Variants in EDARADD observed in about 807,000 individuals in gnomAD.
The protein encoded by EDARADD is ectodysplasin-A receptor-associated adapter protein.
In EDARADD, 20 loss-of-function variants were observed where a neutral mutation model predicts 25.6. The observed-to-expected ratio is 0.78, with a 90% CI of 0.55 to 1.14. The LOEUF (loss-of-function observed/expected upper bound fraction) is 1.14. EDARADD is among the 50% of genes most tolerant of loss of function. The pLI, the probability that EDARADD is intolerant of heterozygous loss-of-function variation, is 0.00. For synonymous variants in EDARADD, 86 were observed against 94.4 expected (o/e 0.91, Z 0.52); for missense variants, 225 against 270.1 (o/e 0.83, Z 1.17).
rs1434659665 is a variant in EDARADD, at chr1:236,483,318, A to T, written c.*669A>T. The T allele has an allele frequency of 6.3e-7, 1 of 1,597,472 alleles. No individual in the cohort carries two copies. Among genetic ancestry groups the T allele is most frequent in the Non-Finnish European group, 8.6e-7 (1 of 1,167,636 alleles). ...CTATGAGGTCCTAGAGCTCCAGGAC[A>T]ATGATAAGACTCGCTATATGGGGAA... On this transcript the variant is annotated 3_prime_UTR_variant, in exon 6 of 6. Coordinates refer to ENST00000334232, the MANE Select transcript of EDARADD (RefSeq NM_145861.4).
chr1:236,483,702 G>T lies in EDARADD; in HGVS notation c.*1053G>T. 1.9e-6 allele frequency: 3 copies of T among 1,566,740 alleles called. No homozygotes were observed. The highest frequency in any genetic ancestry group is 2.6e-6 in the Non-Finnish European group (3 of 1,138,600). On this transcript the variant is annotated 3_prime_UTR_variant, in exon 6 of 6. Transcript: ENST00000334232. Reference sequence around the variant, plus strand: ...CCCAGTCGGTGCAGCAAACTTCAGGGAAGCCATGCCCATTGGAGCGGAGGT... The same window carrying T: ...CCCAGTCGGTGCAGCAAACTTCAGGTAAGCCATGCCCATTGGAGCGGAGGT...
At chr1:236,377,052 C>G (rs1667232510) in intron 3 of EDARADD, among the ~76,000 whole-genome samples, 1 of 151,056 alleles carries the variant, frequency 6.6e-6, no homozygotes, top group Non-Finnish European at 1.5e-5. Context: ...TTCCATCTCT[C>G]TGTTTACATT....
intron 3 of EDARADD, among the ~76,000 whole-genome samples, chr1:236,388,552 G>A (rs1468651850): frequency 6.6e-6 from 1 of 152,130 alleles, no homozygotes; most frequent in Non-Finnish European, 1.5e-5. Flanking sequence ...TTCTTTTTAT[G>A]TTTTTCACTA....
At position 236,381,492 on chromosome 1, in the gene EDARADD, C is replaced by G. The variant is rs180936818; in HGVS notation, c.-5-27724C>G. 9.2e-5 allele frequency among the ~76,000 whole-genome samples: 14 copies of G among 152,092 alleles called. No homozygotes were observed. In the East Asian group the frequency reaches 2.5e-3, roughly 27 times the overall value. ...CAGAGTGTATTTTTAAGTGATATTA[C>G]AACAATTCATGCATAAAAATCCTTA... On this transcript the variant is annotated intron_variant, in intron 3 of 7. Transcript: ENST00000439430.
At chr1:236,427,259 C>G (rs1657945160) in intron 3 of EDARADD, 133 bp from the exon 4 acceptor site, 1 of 809,862 alleles carries the variant, frequency 1.2e-6, no homozygotes, top group African/African-American at 1.8e-5. Flanking sequence ...ATTTGTAGTC[C>G]AGCCCTTCTG....
At chr1:236,473,354 A>G (rs927229102) in intron 5 of EDARADD, among the ~76,000 whole-genome samples, 1 of 152,108 alleles carries the variant, frequency 6.6e-6, no homozygotes, top group Non-Finnish European at 1.5e-5. Flanking sequence ...TGCCAGGGAC[A>G]GGAAGTTGCT....
chr1:236,403,453 A>C (rs541446787), intron 1 of EDARADD, among the ~76,000 whole-genome samples: 16 of 150,126 alleles, frequency 1.1e-4, no homozygotes, highest in Non-Finnish European at 1.6e-4. Flanking sequence ...ATGCCCGGCT[A>C]ATTTTTTGTA....
At chr1:236,369,027 C>T (rs1177427050) in intron 3 of EDARADD, among the ~76,000 whole-genome samples, 1 of 152,078 alleles carries the variant, frequency 6.6e-6, no homozygotes, top group Non-Finnish European at 1.5e-5. Flanking sequence ...ACTCCTGAGC[C>T]AAGTGATCTG....
At chr1:236,379,850 A>G (rs1667277999) in intron 3 of EDARADD, among the ~76,000 whole-genome samples, 1 of 152,252 alleles carries the variant, frequency 6.6e-6, no homozygotes, top group Admixed American at 6.5e-5. Context: ...AGAGAAACGT[A>G]AATTAATTTG....
intron 4 of EDARADD, among the ~76,000 whole-genome samples, chr1:236,441,652 C>A (rs910150639): frequency 1.3e-5 from 2 of 151,264 alleles, no homozygotes; most frequent in African/African-American, 4.9e-5. Context: ...GCCTCCTGAG[C>A]AGCTAGGATT....
rs532202858 is a variant in EDARADD, at chr1:236,378,659, T to C, written c.-6+27820T>C. Among the ~76,000 whole-genome samples the C allele has an allele frequency of 3.3e-5, 5 of 152,292 alleles. No individual in the cohort carries two copies. In the South Asian group the frequency reaches 8.3e-4, roughly 25 times the overall value. On this transcript the variant is annotated intron_variant, in intron 3 of 7. Transcript: ENST00000439430. ...TGGCCATTATAAAGTTTTAAGTATT[T>C]GAGAGCAAAATAACTATTTTATTGT...
intron 2 of EDARADD, among the ~76,000 whole-genome samples, chr1:236,409,815 C>T (rs147725276): frequency 0.01 from 1,559 of 151,824 alleles, 25 homozygotes; most frequent in African/African-American, 0.036. Flanking sequence ...CTGCCACCCT[C>T]GGCCTCCCAA....
At chr1:236,349,693 C>A (rs532628821) in intron 2 of EDARADD, among the ~76,000 whole-genome samples, 1 of 146,372 alleles carries the variant, frequency 6.8e-6, no homozygotes, top group Non-Finnish European at 1.5e-5. Context: ...GGAAGTTCTC[C>A]GATAGCAGAC....
intron 5 of EDARADD, among the ~76,000 whole-genome samples, chr1:236,473,629 C>CA (rs1162480885): frequency 2.6e-5 from 4 of 152,004 alleles, no homozygotes; most frequent in Non-Finnish European, 4.4e-5. Context: ...ACCAAAAAAT[C>CA]AAAAAATTAG....
chr1:236,408,211 T>A (rs1253900687), intron 1 of EDARADD, among the ~76,000 whole-genome samples: 1 of 152,098 alleles, frequency 6.6e-6, no homozygotes, highest in Non-Finnish European at 1.5e-5. Context: ...ATTAATTAAT[T>A]TATTTTTTTG....
At chr1:236,384,005 AAAAAT>A (rs1329482473) in intron 3 of EDARADD, among the ~76,000 whole-genome samples, 2 of 152,220 alleles carry the variant, frequency 1.3e-5, no homozygotes, top group Admixed American at 6.5e-5. Context: ...CTTGTCTCAA[AAAAAT>A]AAAATAAAAT....
intron 5 of EDARADD, among the ~76,000 whole-genome samples, chr1:236,479,982 G>A (rs1218735970): frequency 6.6e-6 from 1 of 151,376 alleles, no homozygotes; most frequent in East Asian, 1.9e-4. Flanking sequence ...GGAGTTCCAG[G>A]TTATGATGAG....
At chr1:236,449,838 C>T (rs1658661131) in intron 4 of EDARADD, among the ~76,000 whole-genome samples, 1 of 152,312 alleles carries the variant, frequency 6.6e-6, no homozygotes, top group East Asian at 1.9e-4. Flanking sequence ...CGGTGGCTCA[C>T]GCCTGTAATC....
intron 3 of EDARADD, among the ~76,000 whole-genome samples, chr1:236,426,893 T>A (rs920453763): frequency 3.9e-5 from 6 of 152,080 alleles, no homozygotes; most frequent in African/African-American, 1.4e-4. Context: ...TTATTTTTAT[T>A]TTTTTGAGAC....
Sources: gnomAD v4.1 joint callset for allele counts (sites outside exome capture counted in the v4.1 genomes callset) on GRCh38, gnomAD v4.1.1 for gene constraint, MANE v1.5 for transcripts, NCBI Gene and HGNC (gene_info 2026-07-23, HGNC 2026-07-21) for gene names.